The following GOLGA6B variants were observed in gnomAD, a reference collection of about 807,000 sequenced individuals.
GOLGA6B encodes the protein golgin subfamily A member 6B.
Under a neutral mutation model 63.0 loss-of-function variants are expected in GOLGA6B, and 11 were observed. The ratio of observed to expected loss-of-function variants is 0.17; its 90% confidence interval spans 0.11 to 0.29. The LOEUF (loss-of-function observed/expected upper bound fraction) is 0.29. GOLGA6B is among the 10% of genes least tolerant of loss of function. GOLGA6B has a pLI of 1.00. For synonymous variants in GOLGA6B, 46 were observed against 232.6 expected, an observed-to-expected ratio of 0.20 and a Z score of 7.30; for missense variants, 134 against 563.8, an observed-to-expected ratio of 0.24 and a Z score of 7.72.
intron 7 of GOLGA6B, among the ~76,000 whole-genome samples, chr15:72,660,542 G>A (rs1325852510): frequency 3.7e-5 from 3 of 81,376 alleles, no homozygotes; most frequent in African/African-American, 1.6e-4. Flanking sequence ...AGGTACAGAA[G>A]AGCACCTTTA....
chr15:72,665,099 A>T lies in GOLGA6B; in HGVS notation c.1593+64A>T, dbSNP rs557781808. Reference sequence around the variant, plus strand: ...TCTGTGGTCCCTCCCAGACCCCCTTATGCTCTTGGTTTCCCACCTTCTGAT... The same window carrying T: ...TCTGTGGTCCCTCCCAGACCCCCTTTTGCTCTTGGTTTCCCACCTTCTGAT... On this transcript the variant is annotated intron_variant, in intron 14 of 17. Coordinates refer to ENST00000421285, the MANE Select transcript of GOLGA6B (RefSeq NM_018652.5). 87 of 1,177,296 alleles carry T rather than the reference A, an allele frequency of 7.4e-5. 1 individual carries two copies. In the African/African-American group the frequency reaches 1.3e-3, roughly 18 times the overall value. 72.9% of individuals were successfully genotyped at this position (1,177,296 alleles called of 1,614,324 possible).
chr15:72,664,187 C>T lies in GOLGA6B; in HGVS notation c.1426-249C>T, dbSNP rs1429848304. ...GCAGCAGCGAGACTAGTACCTGGGT[C>T]ACCTGCAGCAGTACGTGGCCACCTA... On this transcript the variant is annotated intron_variant, in intron 12 of 17. Transcript: ENST00000421285. 1.5e-5 allele frequency among the ~76,000 whole-genome samples: 2 copies of T among 130,686 alleles called. 1 individual carries two copies. The highest frequency in any genetic ancestry group is 3.5e-5 in the Non-Finnish European group (2 of 57,844). The allele number at this position is 130,686 out of a possible 152,430, so 85.7% of individuals were successfully genotyped here. A position where few individuals can be genotyped will look rare whatever the true frequency, so the allele number is the denominator to read the frequency against.
At position 72,662,367 on chromosome 15, in the gene GOLGA6B, G is replaced by C; in HGVS notation, c.963G>C (p.Gln321His). ...GTCTGGAGGGAAAGCTCCAATCCCA[G>C]GTGGAAAACAATCAGGCCTTGAGTC... The part of the protein sequence containing the change: ...VEGLEGKLQS[Q>H]VENNQALSLL... Residue 321 changes from glutamine (Q) to histidine (H), a missense_variant, in exon 11 of 18, where the codon CAG (glutamine) becomes CAC (histidine). Physicochemically the swap from Gln to His is conservative, Grantham distance 24. Transcript: ENST00000421285. 1 of 1,391,094 alleles carries C rather than the reference G, an allele frequency of 7.2e-7. No individual in the cohort carries two copies. Among genetic ancestry groups the C allele is most frequent in the Non-Finnish European group, 9.8e-7 (1 of 1,025,512 alleles). The allele number at this position is 1,391,094 out of a possible 1,614,324, so 86.2% of individuals were successfully genotyped here.
Position 72,664,524 on chromosome 15 carries a change from A to C in GOLGA6B, c.1501+13A>C. On this transcript the variant is annotated intron_variant, in intron 13 of 17. Coordinates refer to ENST00000421285, the MANE Select transcript of GOLGA6B (RefSeq NM_018652.5). ...CTCCCGGGAGAAGGTACAGGAGACC[A>C]CTCAGAGGAAGAGGAGAGAGCCCCA... 1 of 1,343,846 alleles carries C rather than the reference A, an allele frequency of 7.4e-7. No homozygotes were observed. The highest frequency in any genetic ancestry group is 1.0e-6 in the Non-Finnish European group (1 of 985,828). 83.2% of individuals were successfully genotyped at this position (1,343,846 alleles called of 1,614,324 possible).
rs1040012232 is a variant in GOLGA6B, at chr15:72,666,252, T to C, written c.1992T>C (p.Pro664=). 1 of 1,601,760 alleles carries C rather than the reference T, an allele frequency of 6.2e-7. No individual in the cohort carries two copies. The highest frequency in any genetic ancestry group is 8.5e-7 in the Non-Finnish European group (1 of 1,176,762). ...TGAGCCTGGACAACAACGTGGAGCC[T>C]GCACCAGGAGCGGCCAGGGAGGGTT... ...YEVSLDNNVE[P]APGAAREGSP... is the part of the protein sequence containing the mutation. The change falls in exon 18 of 18, where the codon CCT becomes CCC. Residue 664 remains proline (P), a synonymous_variant. Coordinates refer to ENST00000421285, the MANE Select transcript of GOLGA6B (RefSeq NM_018652.5).
At chr15:72,662,890 T>C (rs1042034990) in intron 11 of GOLGA6B, 130 bp downstream of exon 11, 2 of 1,544,006 alleles carry the variant, frequency 1.3e-6, no homozygotes, top group African/African-American at 2.8e-5. Context: ...GAGCTACAGC[T>C]CATCGGGCTC....
Position 72,663,605 on chromosome 15 carries a change from G to A in GOLGA6B, c.1425+500G>A, listed in dbSNP as rs1416331470. 9.8e-4 allele frequency among the ~76,000 whole-genome samples: 126 copies of A among 128,504 alleles called. 12 individuals are homozygous for A. Among genetic ancestry groups the A allele is most frequent in the African/African-American group, 3.0e-3 (109 of 36,642 alleles). 84.3% of individuals were successfully genotyped at this position (128,504 alleles called of 152,430 possible). A position where few individuals can be genotyped will look rare whatever the true frequency, so the allele number is the denominator to read the frequency against. On this transcript the variant is annotated intron_variant, in intron 12 of 17. Coordinates refer to ENST00000421285, the MANE Select transcript of GOLGA6B (RefSeq NM_018652.5). ...AGGCACGAGAATCGCTTGAGCCCAC[G>A]TGGTGGAGGTTGCAGTGAGCTGAGA...
intron 7 of GOLGA6B, among the ~76,000 whole-genome samples, chr15:72,661,018 G>T (rs2064593277): frequency 6.6e-6 from 1 of 151,458 alleles, no homozygotes; most frequent in Non-Finnish European, 1.5e-5. Flanking sequence ...TTCAAACAGT[G>T]GTAGTAATAA....
chr15:72,657,485 C>G (rs1419031504), intron 2 of GOLGA6B, among the ~76,000 whole-genome samples: 4 of 143,206 alleles, frequency 2.8e-5, no homozygotes, highest in Non-Finnish European at 6.1e-5. Flanking sequence ...CTCTGCTCTT[C>G]TTCAGCGTTT....
In GOLGA6B at chr15:72,662,575, C is replaced by CAGGAGGAGAGGCTGCGAAAGG. The variant is rs770916581; in HGVS notation, c.1187_1207dup (p.Arg396_Leu402dup). 1.8e-4 allele frequency: 255 copies of CAGGAGGAGAGGCTGCGAAAGG among 1,444,540 alleles called. 3 individuals carry two copies. The African/African-American group carries it at 2.9e-3, about 17-fold the overall frequency. 89.5% of individuals were successfully genotyped at this position (1,444,540 alleles called of 1,614,324 possible). On this transcript the variant is annotated inframe_insertion, in exon 11 of 18. Coordinates refer to ENST00000421285, the MANE Select transcript of GOLGA6B (RefSeq NM_018652.5). ...AAAGCAGGAGCAGAGGCTACGCAAA[C>CAGGAGGAGAGGCTGCGAAAGG]AGGAGGAGAGGCTGCGAAAGGAGGA...
At position 72,666,296 on chromosome 15, in the gene GOLGA6B, C is replaced by G. The variant is rs372698251; in HGVS notation, c.2036C>G (p.Thr679Ser). Residue 679 changes from threonine to serine, a missense_variant, in exon 18 of 18, where the codon ACT becomes AGT. Physicochemically the swap from Thr to Ser is moderately conservative, Grantham distance 58. Coordinates refer to ENST00000421285, the MANE Select transcript of GOLGA6B (RefSeq NM_018652.5). ...GAGGGTTCTCCCCATGACAACCCCA[C>G]TGTACAGCAGATCGTGCAGCTGTCT... ...AREGSPHDNP[T>S]VQQIVQLSPV... The G allele has an allele frequency of 1.4e-4, 220 of 1,582,552 alleles. 1 individual carries two copies. The highest frequency in any genetic ancestry group is 1.8e-4 in the Non-Finnish European group (212 of 1,164,354).
rs766308619 is a variant in GOLGA6B, at chr15:72,661,343, T to G, written c.644T>G (p.Val215Gly). 2 of 1,612,084 alleles carry G rather than the reference T, an allele frequency of 1.2e-6. No homozygotes were observed. Among genetic ancestry groups the G allele is most frequent in the Admixed American group, 1.7e-5 (1 of 59,998 alleles). The stretch of plus-strand genomic sequence containing the variant: ...GAGCGGGCGCTGCTGAACGCACACG[T>G]GACACAGGTGAGGCTTTGCAGAGGG... ...IKERALLNAH[V>G]TQVTESLKQV... Residue 215 changes from valine (V) to glycine (G), a missense_variant, in exon 8 of 18, where the codon GTG (valine) becomes GGG (glycine). Coordinates refer to ENST00000421285, the MANE Select transcript of GOLGA6B (RefSeq NM_018652.5).
At position 72,664,380 on chromosome 15, in the gene GOLGA6B, G is replaced by A. The variant is rs1341517775; in HGVS notation, c.1426-56G>A. ...AGGCAGTTGCTGAGGACGGGGCCCC[G>A]AGGGGGATGACCTGGCAACCTCCGT... On this transcript the variant is annotated intron_variant, in intron 12 of 17. Coordinates refer to ENST00000421285, the MANE Select transcript of GOLGA6B (RefSeq NM_018652.5). 336 of 1,308,952 alleles carry A rather than the reference G, an allele frequency of 2.6e-4. 89 individuals are homozygous for A. Among genetic ancestry groups the A allele is most frequent in the Non-Finnish European group, 3.1e-4 (300 of 956,620 alleles). The allele number at this position is 1,308,952 out of a possible 1,614,324, so 81.1% of individuals were successfully genotyped here. A position where few individuals can be genotyped will look rare whatever the true frequency, so the allele number is the denominator to read the frequency against.
In GOLGA6B at chr15:72,664,520, G is replaced by A. The variant is rs1362188079; in HGVS notation, c.1501+9G>A. 30 of 1,348,062 alleles carry A rather than the reference G, an allele frequency of 2.2e-5. 4 individuals are homozygous for A. In the Admixed American group the frequency reaches 3.3e-4, roughly 15 times the overall value. 83.5% of individuals were successfully genotyped at this position (1,348,062 alleles called of 1,614,324 possible). A position where few individuals can be genotyped will look rare whatever the true frequency, so the allele number is the denominator to read the frequency against. ...GGCTCTCCCGGGAGAAGGTACAGGA[G>A]ACCACTCAGAGGAAGAGGAGAGAGC... is the stretch of plus-strand genomic sequence containing the variant. On this transcript the variant is annotated intron_variant, in intron 13 of 17. Coordinates refer to ENST00000421285, the MANE Select transcript of GOLGA6B (RefSeq NM_018652.5).
In GOLGA6B at chr15:72,662,440, C is replaced by T. The variant is rs771311087; in HGVS notation, c.1036C>T (p.Leu346Phe). 24 of 1,393,830 alleles carry T rather than the reference C, an allele frequency of 1.7e-5. 2 individuals carry two copies. The highest frequency in any genetic ancestry group is 2.1e-4 in the Middle Eastern group (1 of 4,720). The allele number at this position is 1,393,830 out of a possible 1,614,324, so 86.3% of individuals were successfully genotyped here. The stretch of plus-strand genomic sequence containing the variant: ...GAGACTCCAGGAGCAGGAGGAGATG[C>T]TCCGAGAGCAGGAGGTGCAGAGAGT... ...KQRLQEQEEM[L>F]REQEVQRVRE... Residue 346 changes from leucine to phenylalanine, a missense_variant, in exon 11 of 18, where the codon CTC becomes TTC. By Grantham distance (22) the Leu-to-Phe change is conservative. Transcript: ENST00000421285.
chr15:72,667,827 C>A lies in GOLGA6B; in HGVS notation c.*1485C>A, dbSNP rs2064646777. On this transcript the variant is annotated 3_prime_UTR_variant, in exon 18 of 18. Coordinates refer to ENST00000421285, the MANE Select transcript of GOLGA6B (RefSeq NM_018652.5). Reference sequence around the variant, plus strand: ...GTGCAATCTAATGTTTGCGAATGTCCAAGTATTATGAGAAAAAGTGTCTAT... The same window carrying A: ...GTGCAATCTAATGTTTGCGAATGTCAAAGTATTATGAGAAAAAGTGTCTAT... Among the ~76,000 whole-genome samples the A allele has an allele frequency of 2.8e-5, 1 of 35,164 alleles. No homozygotes were observed. The highest frequency in any genetic ancestry group is 3.9e-5 in the African/African-American group (1 of 25,586). The allele number at this position is 35,164 out of a possible 152,430, so 23.1% of individuals were successfully genotyped here. A position where few individuals can be genotyped will look rare whatever the true frequency, so the allele number is the denominator to read the frequency against.
Position 72,660,166 on chromosome 15 carries a change from G to A in GOLGA6B, c.501G>A (p.Gln167=), listed in dbSNP as rs1242657322. 5.0e-5 allele frequency: 4 copies of A among 80,432 alleles called. No homozygotes were observed. The highest frequency in any genetic ancestry group is 2.1e-4 in the East Asian group (1 of 4,748). The allele number at this position is 80,432 out of a possible 1,614,324, so 5.0% of individuals were successfully genotyped here. ...DLAGRLQYSL[Q]RIQELERALC... is the part of the protein sequence containing the mutation. ...CTGGCCGCCTGCAATACTCCTTACA[G>A]CGTATTCAAGAATTGGAGCGGGCTC... Residue 167 remains glutamine (Q), a synonymous_variant, in exon 7 of 18, where the codon CAG becomes CAA. Transcript: ENST00000421285.
rs750631439 is a variant in GOLGA6B, at chr15:72,666,227, T to C, written c.1967T>C (p.Val656Ala). ...AAGEQDDFYE[V>A]SLDNNVEPAP... is the part of the protein sequence containing the mutation. ...CCTCTCTCTGAAGATTTTTATGAAG[T>C]GAGCCTGGACAACAACGTGGAGCCT... Residue 656 changes from valine to alanine, a missense_variant, in exon 18 of 18, where the codon GTG becomes GCG. By Grantham distance (64) the Val-to-Ala change is moderately conservative. Coordinates refer to ENST00000421285, the MANE Select transcript of GOLGA6B (RefSeq NM_018652.5). The C allele has an allele frequency of 2.5e-6, 4 of 1,605,636 alleles. No homozygotes were observed. The highest frequency in any genetic ancestry group is 1.7e-6 in the Non-Finnish European group (2 of 1,177,856).
Position 72,663,845 on chromosome 15 carries a change from G to A in GOLGA6B, c.1426-591G>A, listed in dbSNP as rs1388843221. ...GATTGAATGAGAGAATACCTGGAAA[G>A]CATTAGGCATGTAGCACACTTAGCA... On this transcript the variant is annotated intron_variant, in intron 12 of 17. Transcript: ENST00000421285. 2.3e-5 allele frequency among the ~76,000 whole-genome samples: 3 copies of A among 128,696 alleles called. No homozygotes were observed. In the East Asian group the frequency reaches 7.3e-4, roughly 31 times the overall value. 84.4% of individuals were successfully genotyped at this position (128,696 alleles called of 152,430 possible).
Sources: allele counts gnomAD v4.1 joint callset (sites outside exome capture counted in the v4.1 genomes callset), GRCh38; gene constraint gnomAD v4.1.1; transcripts MANE v1.5; gene names NCBI Gene and HGNC (gene_info 2026-07-23, HGNC 2026-07-21).